GTF2H5: variants seen among roughly 807,000 people sequenced by gnomAD.
GTF2H5 encodes general transcription factor IIH subunit 5.
A neutral mutation model predicts 7.1 loss-of-function variants in GTF2H5; 5 were observed. That is an observed-to-expected ratio of 0.71 (90% CI 0.37 to 1.49). The LOEUF is 1.49. GTF2H5 is among the 40% of genes most tolerant of loss of function. The probability of loss-of-function intolerance (pLI) is 0.03; values close to 1 mark genes in which losing one functional copy is unlikely to be tolerated. For synonymous variants in GTF2H5, 30 were observed against 31.7 expected, an observed-to-expected ratio of 0.95 and a Z score of 0.18; for missense variants, 80 against 83.0, an observed-to-expected ratio of 0.96 and a Z score of 0.14.
At chr6:158,172,938 C>T (rs1458516362) in intron 2 of GTF2H5, among the ~76,000 whole-genome samples, 1 of 152,162 alleles carries the variant, frequency 6.6e-6, no homozygotes, top group Non-Finnish European at 1.5e-5. Flanking sequence ...TTTGCTGTCC[C>T]GTATCTAACC....
Position 158,198,547 on chromosome 6 carries a change from C to A in GTF2H5, c.*6390C>A, listed in dbSNP as rs1477557058. On this transcript the variant is annotated 3_prime_UTR_variant, in exon 3 of 3. Coordinates refer to ENST00000607778, the MANE Select transcript of GTF2H5 (RefSeq NM_207118.3). ...GTTCAAGCAATTCTCGTGCCTCAGC[C>A]ATCCCTATAGGCATGCGCCACCACA... The A allele has an allele frequency of 6.6e-6, 1 of 152,228 alleles. No individual in the cohort carries two copies. Among genetic ancestry groups the A allele is most frequent in the Admixed American group, 6.5e-5 (1 of 15,274 alleles). The allele number at this position is 152,228 out of a possible 1,614,324, so 9.4% of individuals were successfully genotyped here.
At chr6:158,191,498 T>A (rs544429470) in intron 2 of GTF2H5, among the ~76,000 whole-genome samples, 1 of 152,182 alleles carries the variant, frequency 6.6e-6, no homozygotes, top group South Asian at 2.1e-4. Flanking sequence ...TTTTTTTTTT[T>A]TTGAGACAGA....
At chr6:158,180,979 G>GA (rs2128430461) in intron 2 of GTF2H5, among the ~76,000 whole-genome samples, 1 of 152,024 alleles carries the variant, frequency 6.6e-6, no homozygotes, top group East Asian at 1.9e-4. Context: ...GTCGATTTTA[G>GA]ATCTCTCCTG....
intron 2 of GTF2H5, among the ~76,000 whole-genome samples, chr6:158,177,480 T>G (rs547671085): frequency 7.4e-4 from 112 of 152,264 alleles, no homozygotes; most frequent in Non-Finnish European, 9.0e-4. Flanking sequence ...ACTTTTTGAT[T>G]AGGCAAAGCA....
rs1195944204 is a variant in GTF2H5, at chr6:158,169,462, TTATATTGTATATTATATATAA to T, written c.-34-989_-34-969del. On this transcript the variant is annotated intron_variant, in intron 1 of 2. Transcript: ENST00000607778. ...TTATATATATTATATATTATATATA[TTATATTGTATATTATATATAA>T]TATATTGTATATTATATAATATATT... Among the ~76,000 whole-genome samples the T allele has an allele frequency of 1.3e-4, 9 of 69,842 alleles. No homozygotes were observed. The East Asian group carries it at 1.4e-3, about 10-fold the overall frequency. The allele number at this position is 69,842 out of a possible 152,430, so 45.8% of individuals were successfully genotyped here.
intron 2 of GTF2H5, among the ~76,000 whole-genome samples, chr6:158,190,430 C>G (rs1777007472): frequency 6.6e-6 from 1 of 152,208 alleles, no homozygotes; most frequent in Admixed American, 6.5e-5. Flanking sequence ...TCAAAATCAT[C>G]ATCTCTTGCC....
At chr6:158,191,920 T>C in intron 2 of GTF2H5, 57 bp from the exon 3 acceptor site, 1 of 1,354,206 alleles carries the variant, frequency 7.4e-7, no homozygotes, top group South Asian at 1.2e-5. Context: ...ATTGCTCAAG[T>C]CTCTGTGATG....
chr6:158,185,122 A>C (rs1776890638), intron 2 of GTF2H5, among the ~76,000 whole-genome samples: 1 of 149,116 alleles, frequency 6.7e-6, no homozygotes, highest in African/African-American at 2.5e-5. Context: ...GTTTCATGAC[A>C]AAATGTCCCT....
In GTF2H5 at chr6:158,198,432, ATTT is replaced by A. The variant is rs1327698773; in HGVS notation, c.*6277_*6279del. ...ATTTACTGAGTCCAGTTTGGACTTT[ATTT>A]TATTTTATTTTTTTTGAAACAAGAT... On this transcript the variant is annotated 3_prime_UTR_variant, in exon 3 of 3. Transcript: ENST00000607778. The A allele has an allele frequency of 2.6e-5, 4 of 152,114 alleles. No homozygotes were observed. The highest frequency in any genetic ancestry group is 7.2e-5 in the African/African-American group (3 of 41,492). 9.4% of individuals were successfully genotyped at this position (152,114 alleles called of 1,614,324 possible). A position where few individuals can be genotyped will look rare whatever the true frequency, so the allele number is the denominator to read the frequency against.
At chr6:158,183,973 G>A (rs1786043520) in intron 2 of GTF2H5, among the ~76,000 whole-genome samples, 1 of 152,194 alleles carries the variant, frequency 6.6e-6, no homozygotes, top group Non-Finnish European at 1.5e-5. Flanking sequence ...GAAATCACCT[G>A]TCTTCTGTGT....
In GTF2H5 at chr6:158,196,741, A is replaced by G. The variant is rs1352157974; in HGVS notation, c.*4584A>G. The stretch of plus-strand genomic sequence containing the variant: ...GCTTTGCAAAAAGTTTATGGGAACA[A>G]CGCCCCAAGGAAATCAGTTTACAAA... On this transcript the variant is annotated 3_prime_UTR_variant, in exon 3 of 3. Transcript: ENST00000607778. 1.3e-5 allele frequency: 2 copies of G among 152,218 alleles called. No homozygotes were observed. The highest frequency in any genetic ancestry group is 4.8e-5 in the African/African-American group (2 of 41,462). 9.4% of individuals were successfully genotyped at this position (152,218 alleles called of 1,614,324 possible). A position where few individuals can be genotyped will look rare whatever the true frequency, so the allele number is the denominator to read the frequency against.
rs1323518090 is a variant in GTF2H5 at position 158,169,446 on chromosome 6, TTATATATTA to T, written c.-34-1011_-34-1003del. ...TATAATATATTGTATATTATATATA[TTATATATTA>T]TATATATTATATTGTATATTATATA... On this transcript the variant is annotated intron_variant, in intron 1 of 2. Transcript: ENST00000607778. Among the ~76,000 whole-genome samples, 6 of 57,074 alleles carry T rather than the reference TTATATATTA, an allele frequency of 1.1e-4. 1 individual carries two copies. The highest frequency in any genetic ancestry group is 5.4e-4 in the South Asian group (1 of 1,856). 37.4% of individuals were successfully genotyped at this position (57,074 alleles called of 152,430 possible).
chr6:158,189,937 T>C (rs1776997788), intron 2 of GTF2H5, among the ~76,000 whole-genome samples: 1 of 152,210 alleles, frequency 6.6e-6, no homozygotes, highest in Non-Finnish European at 1.5e-5. Flanking sequence ...TCACTCCCAC[T>C]TCCTGAGTAG....
chr6:158,190,172 G>A (rs567653525), intron 2 of GTF2H5, among the ~76,000 whole-genome samples: 2 of 151,822 alleles, frequency 1.3e-5, no homozygotes, highest in South Asian at 4.2e-4. Flanking sequence ...CGAAGTGCTG[G>A]GATTACAGCA....
intron 2 of GTF2H5, among the ~76,000 whole-genome samples, chr6:158,177,542 T>C (rs750653320): frequency 3.3e-5 from 5 of 152,176 alleles, no homozygotes; most frequent in African/African-American, 4.8e-5. Flanking sequence ...GTAAAGCACA[T>C]GAAGGGTACA....
At chr6:158,169,497 A>ATATGTAATATACAG (rs1562468373) in intron 1 of GTF2H5, among the ~76,000 whole-genome samples, 3 of 86,038 alleles carry the variant, frequency 3.5e-5, no homozygotes, top group African/African-American at 5.0e-5. Context: ...ATTGTATATT[A>ATATGTAATATACAG]TATAATATAT....
intron 2 of GTF2H5, among the ~76,000 whole-genome samples, chr6:158,187,169 A>AC (rs1776942260): frequency 6.6e-6 from 1 of 151,390 alleles, no homozygotes; most frequent in South Asian, 2.1e-4. Context: ...TAATTTTTGT[A>AC]TTTTTTTGTA....
chr6:158,190,917 G>T (rs373557285), intron 2 of GTF2H5: 3 of 516,904 alleles, frequency 5.8e-6, no homozygotes, highest in Non-Finnish European at 1.2e-5. Context: ...GAGACATTTT[G>T]CTGTAAATCT....
Position 158,197,417 on chromosome 6 carries a change from GAAAA to G in GTF2H5, c.*5267_*5270del. 6.8e-6 allele frequency: 1 copy of G among 146,226 alleles called. No individual in the cohort carries two copies. Among genetic ancestry groups the G allele is most frequent in the African/African-American group, 2.5e-5 (1 of 39,500 alleles). 9.1% of individuals were successfully genotyped at this position (146,226 alleles called of 1,614,324 possible). A position where few individuals can be genotyped will look rare whatever the true frequency, so the allele number is the denominator to read the frequency against. The stretch of plus-strand genomic sequence containing the variant: ...AAATAATTATTTTGCAAACATAAAA[GAAAA>G]AAAAAAGAATTGTAACAGAAACATG... On this transcript the variant is annotated 3_prime_UTR_variant, in exon 3 of 3. Transcript: ENST00000607778.
Sources: gnomAD v4.1 joint callset for allele counts (sites outside exome capture counted in the v4.1 genomes callset) on GRCh38, gnomAD v4.1.1 for gene constraint, MANE v1.5 for transcripts, NCBI Gene and HGNC (gene_info 2026-07-23, HGNC 2026-07-21) for gene names.